PPP2R2C: variants seen among roughly 807,000 people sequenced by gnomAD.
PPP2R2C encodes protein phosphatase 2 regulatory subunit Bgamma.
A neutral mutation model predicts 45.3 loss-of-function variants in PPP2R2C; 10 were observed. The observed-to-expected ratio is 0.22, with a 90% CI of 0.14 to 0.37. The LOEUF (loss-of-function observed/expected upper bound fraction) is 0.37. Ranked by LOEUF, PPP2R2C falls within the 10% of genes least tolerant of loss-of-function variation. PPP2R2C has a pLI of 1.00. For synonymous variants in PPP2R2C, 257 were observed against 245.4 expected (o/e 1.05, Z -0.44); for missense variants, 308 against 619.7 (o/e 0.50, Z 5.34).
chr4:6,489,074 G>T (rs1275361111), intron 2 of PPP2R2C, among the ~76,000 whole-genome samples: 1 of 152,158 alleles, frequency 6.6e-6, no homozygotes, highest in Non-Finnish European at 1.5e-5. Context: ...CAGCCACTTT[G>T]ATCTCCCCAG....
At chr4:6,399,273 C>T (rs147965279) in intron 1 of PPP2R2C, among the ~76,000 whole-genome samples, 11 of 152,248 alleles carry the variant, frequency 7.2e-5, no homozygotes, top group African/African-American at 2.2e-4. Context: ...GAAAAGTCTT[C>T]GTTTGCAGTA....
At chr4:6,538,243 C>T (rs150674499) in intron 1 of PPP2R2C, among the ~76,000 whole-genome samples, 1 of 152,274 alleles carries the variant, frequency 6.6e-6, no homozygotes, top group African/African-American at 2.4e-5. Context: ...TCAGGTCCCA[C>T]AGCTGGGGCG....
intron 2 of PPP2R2C, among the ~76,000 whole-genome samples, chr4:6,483,367 G>A (rs576793480): frequency 6.6e-6 from 1 of 152,118 alleles, no homozygotes; most frequent in South Asian, 2.1e-4. Context: ...TTCCAAAGTG[G>A]TTATATCATT....
Position 6,497,728 on chromosome 4 carries a change from C to T in PPP2R2C, c.49+37543G>A, listed in dbSNP as rs149059568. ...GCTACATGCAGGGAGAATGCATTTG[C>T]CACAGCTAAAATGAACAATGATTAA... On this transcript the variant is annotated intron_variant, in intron 2 of 9. Coordinates refer to the PPP2R2C transcript ENST00000506140. Among the ~76,000 whole-genome samples, 283 of 152,206 alleles carry T rather than the reference C, an allele frequency of 1.9e-3. 1 individual carries two copies. Among genetic ancestry groups the T allele is most frequent in the African/African-American group, 6.3e-3 (263 of 41,532 alleles).
At chr4:6,369,623 A>G (rs4689422) in intron 5 of PPP2R2C, among the ~76,000 whole-genome samples, 141,313 of 152,270 alleles carry the variant, frequency 0.93, 65,801 homozygotes, top group East Asian at 1. Flanking sequence ...TGCACCATCC[A>G]CAGTGCCACA....
chr4:6,511,511 T>TGATGATGAC (rs1560593765), intron 2 of PPP2R2C, among the ~76,000 whole-genome samples: 10 of 35,312 alleles, frequency 2.8e-4, no homozygotes, highest in African/African-American at 7.4e-4. Flanking sequence ...GTGATGGTGG[T>TGATGATGAC]GGTGGTGGTG....
intron 5 of PPP2R2C, among the ~76,000 whole-genome samples, chr4:6,361,213 C>G (rs1010775121): frequency 6.6e-6 from 1 of 152,146 alleles, no homozygotes; most frequent in African/African-American, 2.4e-5. Context: ...TTGCTGGAAC[C>G]GTAGGAAAGG....
At position 6,328,205 on chromosome 4, in the gene PPP2R2C, C is replaced by A. The variant is rs1732112019; in HGVS notation, c.1052+1057G>T. Reference sequence around the variant, plus strand: ...GCTCTCACTCCACCCTCCTTGCCCACCACACTGGACAGGACTGCGGGGAGG... The same window carrying A: ...GCTCTCACTCCACCCTCCTTGCCCAACACACTGGACAGGACTGCGGGGAGG... On this transcript the variant is annotated intron_variant, in intron 8 of 8. Transcript: ENST00000382599. The surrounding 1 kb of genome is among the most constrained non-coding windows in gnomAD (Gnocchi z 4.4). Among the ~76,000 whole-genome samples, 1 of 152,216 alleles carries A rather than the reference C, an allele frequency of 6.6e-6. No individual in the cohort carries two copies. The highest frequency in any genetic ancestry group is 6.5e-5 in the Admixed American group (1 of 15,282).
upstream of PPP2R2C, among the ~76,000 whole-genome samples, chr4:6,476,810 G>A (rs1247338400): frequency 6.6e-6 from 1 of 152,066 alleles, no homozygotes; most frequent in Non-Finnish European, 1.5e-5. Flanking sequence ...TTATATATAT[G>A]TAACTGTAAT....
intron 8 of PPP2R2C, among the ~76,000 whole-genome samples, chr4:6,326,352 G>A (rs550715020): frequency 1.6e-4 from 25 of 152,258 alleles, no homozygotes; most frequent in African/African-American, 5.3e-4. Context: ...GCCCCTGGGG[G>A]AGCCTTGCCC....
intron 1 of PPP2R2C, among the ~76,000 whole-genome samples, chr4:6,407,530 G>A (rs1717880978): frequency 6.6e-6 from 1 of 152,144 alleles, no homozygotes. Context: ...AAGTAGCTGG[G>A]ACAACAGGCA....
chr4:6,556,524 G>A (rs868203100), intron 1 of PPP2R2C, among the ~76,000 whole-genome samples: 1 of 152,168 alleles, frequency 6.6e-6, no homozygotes. Context: ...GTGCGCACAC[G>A]TGCAGTGATC....
chr4:6,354,095 C>G (rs1042944019), intron 5 of PPP2R2C, among the ~76,000 whole-genome samples: 7 of 150,622 alleles, frequency 4.6e-5, no homozygotes, highest in Non-Finnish European at 7.4e-5. Flanking sequence ...CCATCTGAAC[C>G]CCTTGCGCTC....
chr4:6,543,067 C>T (rs1724858421), intron 1 of PPP2R2C, among the ~76,000 whole-genome samples: 1 of 152,180 alleles, frequency 6.6e-6, no homozygotes, highest in Non-Finnish European at 1.5e-5. Context: ...AAGGAGGGAT[C>T]TTTGCCGCAG....
intron 2 of PPP2R2C, among the ~76,000 whole-genome samples, chr4:6,481,479 T>G (rs1722345617): frequency 6.6e-6 from 1 of 152,230 alleles, no homozygotes; most frequent in Non-Finnish European, 1.5e-5. Context: ...ACATGTGCCT[T>G]TATTTCTGGA....
Position 6,370,616 on chromosome 4 carries a change from TG to T in PPP2R2C, c.625+1906del, listed in dbSNP as rs1442121620. Among the ~76,000 whole-genome samples the T allele has an allele frequency of 3.3e-5, 5 of 152,268 alleles. 1 individual carries two copies. The East Asian group carries it at 9.7e-4, about 29-fold the overall frequency. On this transcript the variant is annotated intron_variant, in intron 5 of 8. Transcript: ENST00000382599. ...GTCTCGTTTCTCCTGGACTTTATTC[TG>T]GGAGGGTGGGGCCCCAACTACTGGC...
intron 5 of PPP2R2C, among the ~76,000 whole-genome samples, chr4:6,365,662 T>C (rs1714236548): frequency 6.6e-6 from 1 of 152,172 alleles, no homozygotes; most frequent in Non-Finnish European, 1.5e-5. Flanking sequence ...GAAGACAAGC[T>C]GAGTCTTCAG....
At chr4:6,413,135 T>A (rs986516807) in intron 1 of PPP2R2C, among the ~76,000 whole-genome samples, 3 of 152,038 alleles carry the variant, frequency 2.0e-5, no homozygotes, top group Non-Finnish European at 4.4e-5. Context: ...CCCCCGAGAA[T>A]AAACAGAGTG....
chr4:6,417,487 CCTGCCCTACACA>C (rs938537367), intron 1 of PPP2R2C, among the ~76,000 whole-genome samples: 23 of 152,214 alleles, frequency 1.5e-4, no homozygotes, highest in African/African-American at 5.1e-4. Context: ...GCACCCAGCC[CCTGCCCTACACA>C]CTGAGAACAA....
Sources: gnomAD v4.1 joint callset for allele counts (sites outside exome capture counted in the v4.1 genomes callset) on GRCh38, gnomAD v4.1.1 for gene constraint, Gnocchi (gnomAD v3.1) non-coding constraint, MANE v1.5 for transcripts, NCBI Gene and HGNC (gene_info 2026-07-23, HGNC 2026-07-21) for gene names.